The following GABRA5 variants were observed in gnomAD, a reference collection of about 807,000 sequenced individuals.
GABRA5 encodes the protein gamma-aminobutyric acid receptor subunit alpha-5.
In GABRA5, 18 loss-of-function variants were observed where a neutral mutation model predicts 47.3. That is an observed-to-expected ratio of 0.38 (90% CI 0.26 to 0.56). GABRA5 has a LOEUF of 0.56. Ranked by LOEUF, GABRA5 falls within the 20% of genes least tolerant of loss-of-function variation. The probability of loss-of-function intolerance (pLI) is 0.71; values close to 1 mark genes in which losing one functional copy is unlikely to be tolerated. For missense variants in GABRA5, 365 were observed against 599.3 expected (o/e 0.61, Z 4.08); for synonymous variants, 237 against 229.3 (o/e 1.03, Z -0.30).
intron 6 of GABRA5, among the ~76,000 whole-genome samples, chr15:26,895,936 C>T (rs1893180764): frequency 6.6e-6 from 1 of 152,098 alleles, no homozygotes; most frequent in Non-Finnish European, 1.5e-5. Flanking sequence ...GGTACAGAGT[C>T]TCCCCGAGAG....
At chr15:26,879,505 G>A (rs1309927328) in intron 3 of GABRA5, among the ~76,000 whole-genome samples, 1 of 152,146 alleles carries the variant, frequency 6.6e-6, no homozygotes, top group Non-Finnish European at 1.5e-5. Context: ...CGTACTAACA[G>A]GAGTGAATTT....
chr15:26,900,476 A>G (rs1893300658), intron 6 of GABRA5, among the ~76,000 whole-genome samples: 2 of 152,058 alleles, frequency 1.3e-5, no homozygotes, highest in Non-Finnish European at 2.9e-5. Context: ...TTCCTTTGGC[A>G]TTTATTATAT....
chr15:26,892,780 CAG>C (rs1252077067), intron 6 of GABRA5, among the ~76,000 whole-genome samples: 6 of 152,148 alleles, frequency 3.9e-5, no homozygotes, highest in Non-Finnish European at 8.8e-5. Flanking sequence ...GGGATGGAAT[CAG>C]CTGAAGGGCC....
chr15:26,920,839 A>T (rs1595423735), intron 7 of GABRA5, among the ~76,000 whole-genome samples: 1 of 152,122 alleles, frequency 6.6e-6, no homozygotes, highest in East Asian at 1.9e-4. Flanking sequence ...GGTCTGCTGG[A>T]TCCCACTAGC....
intron 7 of GABRA5, among the ~76,000 whole-genome samples, chr15:26,928,728 A>G (rs898208347): frequency 2.0e-5 from 3 of 152,166 alleles, no homozygotes; most frequent in Non-Finnish European, 1.5e-5. Flanking sequence ...GTTATAACAG[A>G]ATACCACAAA....
In GABRA5 at chr15:26,895,826, A is replaced by AAGAAG. The variant is rs1555390758; in HGVS notation, c.497+12270_497+12271insGAAGA. 1.9e-3 allele frequency among the ~76,000 whole-genome samples: 256 copies of AAGAAG among 136,032 alleles called. 1 individual carries two copies. Among genetic ancestry groups the AAGAAG allele is most frequent in the Middle Eastern group, 7.2e-3 (2 of 278 alleles). 89.2% of individuals were successfully genotyped at this position (136,032 alleles called of 152,430 possible). ...CAAGACTCCGTCAAAAAAAAAAAAAAAAGAAGAAGAAGAAGAAGAAAAAGA... is the reference window on the plus strand; with the variant it reads ...CAAGACTCCGTCAAAAAAAAAAAAAAAGAAGAAGAAGAAGAAGAAGAAGAAAAAGA... On this transcript the variant is annotated intron_variant, in intron 6 of 10. Coordinates refer to ENST00000335625, the MANE Select transcript of GABRA5 (RefSeq NM_000810.4).
intron 6 of GABRA5, among the ~76,000 whole-genome samples, chr15:26,886,582 C>T (rs1472093608): frequency 6.6e-6 from 1 of 152,184 alleles, no homozygotes; most frequent in African/African-American, 2.4e-5. Context: ...AGCCCAGGAT[C>T]ACACAGCTAG....
At chr15:26,935,745 C>T (rs1380890503) in intron 7 of GABRA5, among the ~76,000 whole-genome samples, 1 of 152,224 alleles carries the variant, frequency 6.6e-6, no homozygotes, top group Non-Finnish European at 1.5e-5. Flanking sequence ...CTCTACAAGT[C>T]CCAGAGGACC....
In GABRA5 at chr15:26,883,585, C is replaced by G; in HGVS notation, c.497+28C>G. ...GAGCGCCGGGCGGGGGCGGGCGGGG[C>G]CGGGGGACGGTGCGGGGCAGGCGCG... On this transcript the variant is annotated intron_variant, in intron 6 of 10. Coordinates refer to ENST00000335625, the MANE Select transcript of GABRA5 (RefSeq NM_000810.4). The surrounding 1 kb of genome is among the most constrained non-coding windows in gnomAD (Gnocchi z 4.8). 5 of 1,416,306 alleles carry G rather than the reference C, an allele frequency of 3.5e-6. 1 individual carries two copies. In the South Asian group the frequency reaches 3.7e-5, roughly 10 times the overall value. The allele number at this position is 1,416,306 out of a possible 1,614,324, so 87.7% of individuals were successfully genotyped here.
intron 6 of GABRA5, among the ~76,000 whole-genome samples, chr15:26,888,703 A>T (rs1387894650): frequency 6.6e-6 from 1 of 152,240 alleles, no homozygotes; most frequent in Non-Finnish European, 1.5e-5. Flanking sequence ...TATAAAGAGC[A>T]TATAGAGATA....
chr15:26,948,219 G>A lies in GABRA5; in HGVS notation c.1375G>A (p.Ala459Thr), dbSNP rs747206877. The change falls in exon 11 of 11, where the codon GCC (alanine) becomes ACC (threonine). Residue 459 changes from alanine to threonine, a missense_variant. Physicochemically the swap from Ala to Thr is moderately conservative, Grantham distance 58 (BLOSUM62 0). Coordinates refer to ENST00000335625, the MANE Select transcript of GABRA5 (RefSeq NM_000810.4). ...TAGGGAGCCGGTGATAAAAGGAGCC[G>A]CCTCTCCAAAATAACCGGCCACACT... ...LNREPVIKGA[A>T]SPK The A allele has an allele frequency of 1.2e-5, 19 of 1,611,248 alleles. No homozygotes were observed. The highest frequency in any genetic ancestry group is 3.6e-4 in the Middle Eastern group (2 of 5,580).
intron 7 of GABRA5, among the ~76,000 whole-genome samples, chr15:26,925,936 A>AT (rs1893951253): frequency 6.6e-6 from 1 of 152,198 alleles, no homozygotes; most frequent in Non-Finnish European, 1.5e-5. Context: ...CATATGCATA[A>AT]TTGAGGGGCG....
At chr15:26,893,373 G>GGTGTGTGTGGT (rs1893075722) in intron 6 of GABRA5, among the ~76,000 whole-genome samples, 2 of 3,194 alleles carry the variant, frequency 6.3e-4, no homozygotes, top group Non-Finnish European at 6.6e-4. Context: ...TGTAGCGTGT[G>GGTGTGTGTGGT]GCGGGACTAT....
intron 6 of GABRA5, among the ~76,000 whole-genome samples, chr15:26,903,903 A>C (rs1229472807): frequency 6.6e-6 from 1 of 151,758 alleles, no homozygotes; most frequent in Admixed American, 6.6e-5. Context: ...ATTTTCTCTC[A>C]TTCTATAGGT....
chr15:26,886,576 C>A (rs148056764), intron 6 of GABRA5, among the ~76,000 whole-genome samples: 3 of 152,170 alleles, frequency 2.0e-5, no homozygotes, highest in African/African-American at 7.2e-5. Flanking sequence ...GTAACCAGCC[C>A]AGGATCACAC....
chr15:26,943,068 A>AC, intron 9 of GABRA5, 147 bp from the exon 10 acceptor site: 1 of 640,038 alleles, frequency 1.6e-6, no homozygotes, highest in Non-Finnish European at 2.6e-6. Flanking sequence ...TGGGCGACAG[A>AC]GCAAGACTCT....
At chr15:26,878,634 C>T (rs1028440345) in intron 3 of GABRA5, among the ~76,000 whole-genome samples, 7 of 152,196 alleles carry the variant, frequency 4.6e-5, no homozygotes, top group Admixed American at 3.3e-4. Context: ...TGCAAATCCC[C>T]AGCCATGGCC....
chr15:26,873,755 G>C (rs1595391643), intron 3 of GABRA5, among the ~76,000 whole-genome samples: 2 of 152,254 alleles, frequency 1.3e-5, no homozygotes, highest in East Asian at 3.9e-4. Context: ...ATGAGGCCCG[G>C]GACAGTTATG....
intron 3 of GABRA5, among the ~76,000 whole-genome samples, chr15:26,870,747 G>T (rs1352534968): frequency 6.6e-6 from 1 of 152,192 alleles, no homozygotes; most frequent in Admixed American, 6.5e-5. Flanking sequence ...TCTTCTGAAT[G>T]AAATGTCTGT....
Sources: allele counts gnomAD v4.1 joint callset (sites outside exome capture counted in the v4.1 genomes callset), GRCh38; gene constraint gnomAD v4.1.1; non-coding constraint Gnocchi (gnomAD v3.1); transcripts MANE v1.5; gene names NCBI Gene and HGNC (gene_info 2026-07-23, HGNC 2026-07-21).